Variants in RAB8B observed in about 807,000 individuals in gnomAD.
RAB8B encodes RAB8B, member RAS oncogene family.
RAB8B carries 11 observed loss-of-function variants against 32.0 expected under a neutral mutation model. The ratio of observed to expected loss-of-function variants is 0.34; its 90% CI spans 0.22 to 0.57. The LOEUF (loss-of-function observed/expected upper bound fraction) is 0.57. Ranked by LOEUF, RAB8B falls within the 20% of genes least tolerant of loss-of-function variation. RAB8B has a pLI of 0.86. For missense variants in RAB8B, 190 were observed against 258.5 expected, an observed-to-expected ratio of 0.73 and a Z score of 1.82; for synonymous variants, 103 against 89.6, an observed-to-expected ratio of 1.15 and a Z score of -0.85.
intron 1 of RAB8B, among the ~76,000 whole-genome samples, chr15:63,202,858 G>A (rs1379711964): frequency 1.3e-5 from 2 of 152,238 alleles, no homozygotes; most frequent in Non-Finnish European, 2.9e-5. Context: ...TCTCCATAAT[G>A]CCTCTGTGAT....
intron 1 of RAB8B, among the ~76,000 whole-genome samples, chr15:63,233,055 C>CTTTTTTTTTT (rs752891283): frequency 0.019 from 2,624 of 141,084 alleles, 1 homozygote; most frequent in East Asian, 0.029. Flanking sequence ...AAGTAGCATT[C>CTTTTTTTTTT]TTTTTTTTTT....
chr15:63,210,658 G>A, intron 1 of RAB8B, among the ~76,000 whole-genome samples: 1 of 152,216 alleles, frequency 6.6e-6, no homozygotes, highest in East Asian at 1.9e-4. Flanking sequence ...CAGGGTTTCT[G>A]ACATGGAAGA....
At chr15:63,241,843 CAATA>C (rs1320505688) in intron 1 of RAB8B, among the ~76,000 whole-genome samples, 2 of 151,856 alleles carry the variant, frequency 1.3e-5, no homozygotes, top group African/African-American at 4.8e-5. Context: ...ACGTAAATCA[CAATA>C]AAAATCAATG....
intron 1 of RAB8B, among the ~76,000 whole-genome samples, chr15:63,207,969 TC>T (rs140634771): frequency 0.36 from 54,575 of 152,074 alleles, 11,854 homozygotes; most frequent in Non-Finnish European, 0.5. Context: ...CTTTGCCATG[TC>T]CTTCTAAGTG....
rs530024661 is a variant in RAB8B, at chr15:63,265,414, C to T, written c.*1795C>T. 3 of 151,010 alleles carry T rather than the reference C, an allele frequency of 2.0e-5. No homozygotes were observed. Among genetic ancestry groups the T allele is most frequent in the Non-Finnish European group, 4.4e-5 (3 of 67,812 alleles). The allele number at this position is 151,010 out of a possible 1,614,324, so 9.4% of individuals were successfully genotyped here. On this transcript the variant is annotated 3_prime_UTR_variant, in exon 8 of 8. Coordinates refer to ENST00000321437, the MANE Select transcript of RAB8B (RefSeq NM_016530.3). This position sits in a 1 kb window ranked among gnomAD's most constrained non-coding sequence, Gnocchi z 4.9. ...GGTAATTACCTATAGGCTTAAAAGT[C>T]ATTCGTTGCTGTTCTAGTATAATTA...
intron 1 of RAB8B, among the ~76,000 whole-genome samples, chr15:63,192,244 C>T (rs1442400613): frequency 6.6e-6 from 1 of 152,182 alleles, no homozygotes; most frequent in Non-Finnish European, 1.5e-5. Context: ...ATATAGAAAC[C>T]TAATGCTCTG....
chr15:63,261,489 T>G lies in RAB8B; in HGVS notation c.481-1203T>G, dbSNP rs146424092. On this transcript the variant is annotated intron_variant, in intron 6 of 7. Coordinates refer to ENST00000321437, the MANE Select transcript of RAB8B (RefSeq NM_016530.3). ...ATGAATGGATAAAGAAAATGTGGTA[T>G]GTATACACAATGGAATACTATTCAG... Among the ~76,000 whole-genome samples the G allele has an allele frequency of 7.1e-3, 1,086 of 152,314 alleles. 11 individuals carry two copies. The highest frequency in any genetic ancestry group is 0.024 in the African/African-American group (1,008 of 41,568).
intron 1 of RAB8B, among the ~76,000 whole-genome samples, chr15:63,192,560 C>T (rs953674759): frequency 4.6e-5 from 7 of 152,160 alleles, no homozygotes; most frequent in African/African-American, 1.4e-4. Context: ...TATTTCTCAA[C>T]GCCTGGGGTT....
At chr15:63,208,951 G>A (rs1215165614) in intron 1 of RAB8B, among the ~76,000 whole-genome samples, 1 of 146,516 alleles carries the variant, frequency 6.8e-6, no homozygotes, top group Non-Finnish European at 1.5e-5. Flanking sequence ...GGATTGCAGT[G>A]ATGGAATCTC....
chr15:63,193,813 A>AC (rs2037578790), intron 1 of RAB8B, among the ~76,000 whole-genome samples: 1 of 143,348 alleles, frequency 7.0e-6, no homozygotes, highest in Non-Finnish European at 1.5e-5. Flanking sequence ...TCCATCTCAA[A>AC]AAACAACAAC....
intron 1 of RAB8B, among the ~76,000 whole-genome samples, chr15:63,229,197 G>A (rs569437474): frequency 1.3e-5 from 2 of 152,180 alleles, no homozygotes; most frequent in African/African-American, 2.4e-5. Flanking sequence ...AATAAGGGGT[G>A]GGGGAGAGGA....
Position 63,208,628 on chromosome 15 carries a change from C to T in RAB8B, c.124+18880C>T, listed in dbSNP as rs141207379. Among the ~76,000 whole-genome samples, 762 of 152,288 alleles carry T rather than the reference C, an allele frequency of 5.0e-3. 6 individuals are homozygous for T. The highest frequency in any genetic ancestry group is 0.014 in the Middle Eastern group (4 of 294). The stretch of plus-strand genomic sequence containing the variant: ...AAGTGTAAGATTAACTGCTCTACTG[C>T]TCTGCCCAGAATGGCAGGTTCCAAG... On this transcript the variant is annotated intron_variant, in intron 1 of 7. Transcript: ENST00000321437.
At chr15:63,232,356 T>C (rs1043572580) in intron 1 of RAB8B, among the ~76,000 whole-genome samples, 1 of 152,212 alleles carries the variant, frequency 6.6e-6, no homozygotes, top group Non-Finnish European at 1.5e-5. Flanking sequence ...CTATTCTTAA[T>C]TGTACTATTT....
At chr15:63,239,782 AC>A (rs1398811695) in intron 1 of RAB8B, among the ~76,000 whole-genome samples, 2 of 152,146 alleles carry the variant, frequency 1.3e-5, no homozygotes, top group African/African-American at 4.8e-5. Context: ...AAGAGTACCT[AC>A]CCTTTAATTT....
chr15:63,223,783 C>A, intron 1 of RAB8B: 1 of 343,760 alleles, frequency 2.9e-6, no homozygotes, highest in South Asian at 2.2e-5. Flanking sequence ...CTGACTAGAC[C>A]CTGACTGATA....
At chr15:63,257,045 A>G (rs1196563859) in intron 5 of RAB8B, among the ~76,000 whole-genome samples, 1 of 152,210 alleles carries the variant, frequency 6.6e-6, no homozygotes, top group African/African-American at 2.4e-5. Flanking sequence ...TTTTATGGAT[A>G]AATTCCTTGT....
chr15:63,224,439 C>T (rs1478543202), intron 1 of RAB8B, among the ~76,000 whole-genome samples: 1 of 152,176 alleles, frequency 6.6e-6, no homozygotes, highest in Non-Finnish European at 1.5e-5. Flanking sequence ...CAGTCCCTGT[C>T]ACATAGGCTA....
intron 1 of RAB8B, among the ~76,000 whole-genome samples, chr15:63,208,320 A>G (rs932623032): frequency 6.6e-6 from 1 of 152,162 alleles, no homozygotes; most frequent in Non-Finnish European, 1.5e-5. Flanking sequence ...AAGAAATACA[A>G]TTTTTAAGTC....
intron 1 of RAB8B, among the ~76,000 whole-genome samples, chr15:63,242,539 G>T (rs143384806): frequency 1.3e-5 from 2 of 152,188 alleles, no homozygotes; most frequent in Admixed American, 6.5e-5. Flanking sequence ...TTATCTGGGC[G>T]TGATGGTGCA....
Sources: gnomAD v4.1 joint callset for allele counts (sites outside exome capture counted in the v4.1 genomes callset) on GRCh38, gnomAD v4.1.1 for gene constraint, Gnocchi (gnomAD v3.1) non-coding constraint, MANE v1.5 for transcripts, NCBI Gene and HGNC (gene_info 2026-07-23, HGNC 2026-07-21) for gene names.